Variants in HECTD4 observed in about 807,000 individuals in gnomAD.
The protein encoded by HECTD4 is probable E3 ubiquitin-protein ligase HECTD4.
A neutral mutation model predicts 471.5 loss-of-function variants in HECTD4; 114 were observed. That is an observed-to-expected ratio of 0.24 (90% CI 0.21 to 0.28). The LOEUF is 0.28. Among genes scored for constraint, HECTD4 ranks in the 10% least tolerant of loss-of-function variants. The pLI, the probability that HECTD4 is intolerant of heterozygous loss-of-function variation, is 1.00. For synonymous variants in HECTD4, 2,012 were observed against 2,256.0 expected, an observed-to-expected ratio of 0.89 and a Z score of 3.07; for missense variants, 3,866 against 5,651.5, an observed-to-expected ratio of 0.68 and a Z score of 10.13.
intron 1 of HECTD4, among the ~76,000 whole-genome samples, chr12:112,337,289 A>T (rs937003286): frequency 1.3e-5 from 2 of 152,186 alleles, no homozygotes; most frequent in Non-Finnish European, 2.9e-5. Context: ...TAGTATGAGC[A>T]ATATTTTTAT....
In HECTD4 at chr12:112,162,369, T is replaced by A. The variant is rs370258958; in HGVS notation, c.*18A>T. On this transcript the variant is annotated 3_prime_UTR_variant, in exon 76 of 76. Coordinates refer to ENST00000682272, the MANE Select transcript of HECTD4 (RefSeq NM_001388303.1). This position sits in a 1 kb window ranked among gnomAD's most constrained non-coding sequence, Gnocchi z 5.2. ...AGTGGGTGCCTCAGTGACAGCCTAA[T>A]TCTGGGGCTCCCTCCCATCAGCCAC... 48 of 1,613,828 alleles carry A rather than the reference T, an allele frequency of 3.0e-5. No individual in the cohort carries two copies. Among genetic ancestry groups the A allele is most frequent in the Middle Eastern group, 1.7e-4 (1 of 6,008 alleles).
In HECTD4 at chr12:112,184,801, G is replaced by C; in HGVS notation, c.10165C>G (p.Leu3389Val). The C allele has an allele frequency of 1.9e-6, 3 of 1,610,464 alleles. No homozygotes were observed. The highest frequency in any genetic ancestry group is 2.5e-6 in the Non-Finnish European group (3 of 1,177,554). The change falls in exon 61 of 76, where the codon CTG becomes GTG. Residue 3389 changes from leucine to valine, a missense_variant. Around this residue, in one of 16 missense-constraint regions of HECTD4, gnomAD observed 71 missense variants for 144.5 expected, o/e 0.49. Transcript: ENST00000682272. This position sits in a 1 kb window ranked among gnomAD's most constrained non-coding sequence, Gnocchi z 9.1. ...CGGCTGTGGGCGGTGGGGCCCACCA[G>C]GGCCTGGCAGGCATCGGCGATGGCG... ...SDAIADACQALVGPTAHSRLL... is the reference protein window; with the variant it reads ...SDAIADACQAVVGPTAHSRLL...
At chr12:112,203,602 A>T in intron 54 of HECTD4, 34 bp downstream of exon 54, 1 of 1,586,432 alleles carries the variant, frequency 6.3e-7, no homozygotes, top group Non-Finnish European at 8.6e-7. Context: ...GTATATATAA[A>T]ATAGCTTATT....
In HECTD4 at chr12:112,164,124, C is replaced by T. The variant is rs202119425; in HGVS notation, c.12686G>A (p.Arg4229Gln). 321 of 1,600,204 alleles carry T rather than the reference C, an allele frequency of 2.0e-4. No homozygotes were observed. Among genetic ancestry groups the T allele is most frequent in the Non-Finnish European group, 2.3e-4 (275 of 1,172,630 alleles). ...GEEVELCSRG[R>Q]HILVAWENKD... ...ACACACTCACGCCACAAGGATGTGC[C>T]GGCCCCGGCTGCACAGCTCCACCTC... is the stretch of plus-strand genomic sequence containing the variant. The change falls in exon 73 of 76, where the codon CGG becomes CAG. Residue 4229 changes from arginine (R) to glutamine (Q), a missense_variant. Transcript: ENST00000682272.
chr12:112,366,470 T>C (rs1261347808), intron 1 of HECTD4, among the ~76,000 whole-genome samples: 2 of 152,066 alleles, frequency 1.3e-5, no homozygotes. Context: ...CAGTGAGCTA[T>C]GATTATGCTG....
At chr12:112,349,074 A>T (rs1034893159) in intron 1 of HECTD4, among the ~76,000 whole-genome samples, 15 of 152,202 alleles carry the variant, frequency 9.9e-5, no homozygotes, top group Non-Finnish European at 1.9e-4. Flanking sequence ...CAAAAATAAA[A>T]TATTTTTACT....
intron 1 of HECTD4, among the ~76,000 whole-genome samples, chr12:112,324,310 G>T (rs1360106356): frequency 1.7e-4 from 26 of 150,528 alleles, no homozygotes; most frequent in African/African-American, 6.4e-4. Flanking sequence ...GTAGAGATGG[G>T]GGTCTCCCTA....
intron 1 of HECTD4, chr12:112,323,026 G>C (rs2035617648): frequency 1.0e-5 from 2 of 200,192 alleles, no homozygotes; most frequent in African/African-American, 4.8e-5. Context: ...ACAAAGAAAG[G>C]CTGCATGAAA....
chr12:112,360,061 A>G (rs994642800), intron 1 of HECTD4, among the ~76,000 whole-genome samples: 5 of 152,248 alleles, frequency 3.3e-5, no homozygotes, highest in Non-Finnish European at 7.3e-5. Context: ...AGAAGTTACA[A>G]TGATCTTTCC....
chr12:112,367,307 AAAGAAAGAAAG>A lies in HECTD4; in HGVS notation c.177+14634_177+14644del, dbSNP rs1381233219. Among the ~76,000 whole-genome samples the A allele has an allele frequency of 5.9e-3, 63 of 10,692 alleles. No homozygotes were observed. The East Asian group carries it at 0.076, about 13-fold the overall frequency. 7.0% of individuals were successfully genotyped at this position (10,692 alleles called of 152,430 possible). A position where few individuals can be genotyped will look rare whatever the true frequency, so the allele number is the denominator to read the frequency against. ...GAGTAAGACTTGGTCTCAAAAAAAAAAAGAAAGAAAGAAAGAAAGAAAGAAAGAAAGAAAGA... is the reference window on the plus strand; with the variant it reads ...GAGTAAGACTTGGTCTCAAAAAAAAAAAAGAAAGAAAGAAAGAAAGAAAGA... On this transcript the variant is annotated intron_variant, in intron 1 of 75. Coordinates refer to ENST00000682272, the MANE Select transcript of HECTD4 (RefSeq NM_001388303.1).
At chr12:112,308,475 C>T (rs2035312145) in intron 6 of HECTD4, among the ~76,000 whole-genome samples, 1 of 148,638 alleles carries the variant, frequency 6.7e-6, no homozygotes, top group South Asian at 2.1e-4. Context: ...AAAAAACCAG[C>T]TAGTATTTAT....
At chr12:112,336,873 G>A (rs1489518618) in intron 1 of HECTD4, among the ~76,000 whole-genome samples, 1 of 152,084 alleles carries the variant, frequency 6.6e-6, no homozygotes, top group Non-Finnish European at 1.5e-5. Context: ...TTCCAAATTT[G>A]TTATAATAAG....
chr12:112,279,952 T>C (rs1383148174), intron 8 of HECTD4, among the ~76,000 whole-genome samples: 1 of 152,236 alleles, frequency 6.6e-6, no homozygotes, highest in African/African-American at 2.4e-5. Context: ...AGTGAGAACA[T>C]TTCCTTTGAG....
chr12:112,234,805 C>G (rs371178192), intron 37 of HECTD4, among the ~76,000 whole-genome samples: 1 of 152,284 alleles, frequency 6.6e-6, no homozygotes, highest in African/African-American at 2.4e-5. Flanking sequence ...AATACATCGT[C>G]CACATGGCTT....
intron 44 of HECTD4, among the ~76,000 whole-genome samples, chr12:112,224,761 T>C (rs1029964918): frequency 1.3e-5 from 2 of 152,234 alleles, no homozygotes; most frequent in Non-Finnish European, 2.9e-5. Context: ...AGACCACTGC[T>C]CTAAATTATT....
At chr12:112,357,191 G>A (rs2135743961) in intron 1 of HECTD4, among the ~76,000 whole-genome samples, 1 of 152,234 alleles carries the variant, frequency 6.6e-6, no homozygotes, top group South Asian at 2.1e-4. Context: ...TGACTGGTAA[G>A]TAAAACGCTC....
At chr12:112,204,384 A>T in intron 53 of HECTD4, 102 bp downstream of exon 53, 2 of 1,128,616 alleles carry the variant, frequency 1.8e-6, no homozygotes, top group Non-Finnish European at 2.6e-6. Context: ...GAGTAAGGAG[A>T]GTCACCCTAG....
intron 29 of HECTD4, among the ~76,000 whole-genome samples, chr12:112,246,180 A>T (rs1190758262): frequency 6.6e-6 from 1 of 151,870 alleles, no homozygotes; most frequent in Non-Finnish European, 1.5e-5. Flanking sequence ...ATAAAATGTG[A>T]CCTAGAAAAA....
chr12:112,302,763 G>C (rs1179023571), intron 7 of HECTD4: 4 of 320,110 alleles, frequency 1.2e-5, no homozygotes, highest in African/African-American at 6.5e-5. Context: ...AATGATCCTT[G>C]GTAGTCTGCT....
Sources: allele counts gnomAD v4.1 joint callset (sites outside exome capture counted in the v4.1 genomes callset), GRCh38; gene constraint gnomAD v4.1.1; regional missense constraint gnomAD v4.1.1; non-coding constraint Gnocchi (gnomAD v3.1); transcripts MANE v1.5; gene names NCBI Gene and HGNC (gene_info 2026-07-23, HGNC 2026-07-21).